REL: variants seen among roughly 807,000 people sequenced by gnomAD.
REL encodes the protein REL proto-oncogene, NF-kB subunit, also known as proto-oncogene c-Rel.
A neutral mutation model predicts 45.9 loss-of-function variants in REL; 15 were observed. That is an observed-to-expected ratio of 0.33 (90% CI 0.22 to 0.50). The LOEUF (loss-of-function observed/expected upper bound fraction) is 0.50, where lower values mean the gene tolerates loss of function less well. Ranked by LOEUF, REL falls within the 20% of genes least tolerant of loss-of-function variation. The pLI is 0.98. For synonymous variants in REL, 239 were observed against 242.1 expected, an observed-to-expected ratio of 0.99 and a Z score of 0.12; for missense variants, 601 against 715.2, an observed-to-expected ratio of 0.84 and a Z score of 1.82.
At chr2:60,917,052 A>G in intron 5 of REL, 35 bp downstream of exon 5, 4 of 1,562,020 alleles carry the variant, frequency 2.6e-6, no homozygotes, top group African/African-American at 1.4e-5. Context: ...TGTAGTCTTA[A>G]CTTGTTTTTT....
chr2:60,914,297 C>T (rs1421833682), intron 4 of REL, among the ~76,000 whole-genome samples: 1 of 152,124 alleles, frequency 6.6e-6, no homozygotes, highest in Non-Finnish European at 1.5e-5. Flanking sequence ...ATGATTCTTG[C>T]CTGTCAGTAG....
chr2:60,898,878 T>C (rs1314916501), intron 3 of REL: 1 of 152,238 alleles, frequency 6.6e-6, no homozygotes. Flanking sequence ...GCAGAGTTTT[T>C]GGTATATAGT....
At chr2:60,889,495 G>A (rs1037434521) in intron 1 of REL, among the ~76,000 whole-genome samples, 11 of 151,750 alleles carry the variant, frequency 7.2e-5, no homozygotes, top group Non-Finnish European at 1.6e-4. Flanking sequence ...TTAAGTTTTA[G>A]GGTACATGTA....
At chr2:60,895,325 G>A (rs1362280629) in intron 3 of REL, among the ~76,000 whole-genome samples, 1 of 152,006 alleles carries the variant, frequency 6.6e-6, no homozygotes, top group Non-Finnish European at 1.5e-5. Flanking sequence ...GGGACTGCAG[G>A]CATGTACCAC....
At chr2:60,908,216 A>C (rs992698195) in intron 4 of REL, among the ~76,000 whole-genome samples, 1 of 152,088 alleles carries the variant, frequency 6.6e-6, no homozygotes, top group Non-Finnish European at 1.5e-5. Context: ...TCTGTGATGG[A>C]ATCTTGTTTC....
intron 4 of REL, among the ~76,000 whole-genome samples, chr2:60,907,375 G>A (rs1001120415): frequency 2.6e-5 from 4 of 152,036 alleles, no homozygotes; most frequent in Non-Finnish European, 5.9e-5. Context: ...GGCCAGGCAC[G>A]GTGGCTCATG....
intron 1 of REL, among the ~76,000 whole-genome samples, chr2:60,888,298 A>G (rs370598036): frequency 1.3e-4 from 20 of 152,172 alleles, no homozygotes; most frequent in African/African-American, 4.6e-4. Context: ...CCAAAGTTAA[A>G]CACTTATCAT....
chr2:60,929,505 A>G lies in REL; in HGVS notation c.*6970A>G, dbSNP rs569545378. 9 of 151,546 alleles carry G rather than the reference A, an allele frequency of 5.9e-5. No homozygotes were observed. The highest frequency in any genetic ancestry group is 2.1e-4 in the South Asian group (1 of 4,770). 9.4% of individuals were successfully genotyped at this position (151,546 alleles called of 1,614,324 possible). On this transcript the variant is annotated 3_prime_UTR_variant, in exon 10 of 10. Transcript: ENST00000394479. ...ACTATGCAGCCATAAAAAATGATGAATTCATGTCCTTTGTAGGGACATGGA... is the reference window on the plus strand; with the variant it reads ...ACTATGCAGCCATAAAAAATGATGAGTTCATGTCCTTTGTAGGGACATGGA...
Position 60,898,788 on chromosome 2 carries a change from G to T in REL, c.303-2204G>T, listed in dbSNP as rs188731012. Among the ~76,000 whole-genome samples the T allele has an allele frequency of 8.5e-5, 13 of 152,314 alleles. No individual in the cohort carries two copies. The East Asian group carries it at 2.5e-3, about 29-fold the overall frequency. The stretch of plus-strand genomic sequence containing the variant: ...AAAGACAGACAAGATGTTGGATTTG[G>T]TCCATGAGTTACAGTTTGCCAATCT... On this transcript the variant is annotated intron_variant, in intron 3 of 9. Transcript: ENST00000394479.
At position 60,900,976 on chromosome 2, in the gene REL, GT is replaced by G; in HGVS notation, c.303-9del. On this transcript the variant is annotated splice_polypyrimidine_tract_variant and intron_variant, in intron 3 of 9. Transcript: ENST00000394479. ...TGTTTATAATGCAGTTTTGAATATTGTTTTTTTCCTGCTAGTTTCCAAAATT... is the reference window on the plus strand; with the variant it reads ...TGTTTATAATGCAGTTTTGAATATTGTTTTTTCCTGCTAGTTTCCAAAATT... The G allele has an allele frequency of 6.3e-7, 1 of 1,590,570 alleles. No homozygotes were observed. Among genetic ancestry groups the G allele is most frequent in the Non-Finnish European group, 8.6e-7 (1 of 1,168,416 alleles).
Position 60,926,240 on chromosome 2 carries a change from G to C in REL, c.*3705G>C. 4.3e-6 allele frequency: 1 copy of C among 230,880 alleles called. No individual in the cohort carries two copies. The highest frequency in any genetic ancestry group is 8.6e-6 in the Non-Finnish European group (1 of 116,406). 14.3% of individuals were successfully genotyped at this position (230,880 alleles called of 1,614,324 possible). On this transcript the variant is annotated 3_prime_UTR_variant, in exon 10 of 10. Transcript: ENST00000394479. ...GTAAATGTCTTCATTAGCCTAAAAGGAAAGACCAAATAAAACCTTTCCTAC... is the reference window on the plus strand; with the variant it reads ...GTAAATGTCTTCATTAGCCTAAAAGCAAAGACCAAATAAAACCTTTCCTAC...
At chr2:60,910,838 G>A (rs1039214577) in intron 4 of REL, among the ~76,000 whole-genome samples, 7 of 151,934 alleles carry the variant, frequency 4.6e-5, no homozygotes, top group African/African-American at 1.2e-4. Flanking sequence ...AGGCTGAGGC[G>A]TTAGAATCTC....
chr2:60,903,373 T>C (rs1673550851), intron 4 of REL, among the ~76,000 whole-genome samples: 1 of 152,172 alleles, frequency 6.6e-6, no homozygotes, highest in Non-Finnish European at 1.5e-5. Context: ...TTTCTTTTTC[T>C]TAGTTTTGGC....
intron 2 of REL, 65 bp downstream of exon 2, chr2:60,891,890 A>AT: frequency 7.2e-7 from 1 of 1,387,504 alleles, no homozygotes; most frequent in Non-Finnish European, 9.6e-7. Flanking sequence ...TATAGCAATT[A>AT]TTTTAAAGGG....
In REL at chr2:60,930,325, T is replaced by C. The variant is rs1173244951; in HGVS notation, c.*7790T>C. On this transcript the variant is annotated 3_prime_UTR_variant, in exon 10 of 10. Coordinates refer to ENST00000394479, the MANE Select transcript of REL (RefSeq NM_001291746.2). Reference sequence around the variant, plus strand: ...CTAATACACAGCAGAGTGAGAAAAATCATTATGGATTAGGTTCTTTAGTAA... The same window carrying C: ...CTAATACACAGCAGAGTGAGAAAAACCATTATGGATTAGGTTCTTTAGTAA... 6.6e-6 allele frequency: 1 copy of C among 152,290 alleles called. No homozygotes were observed. Among genetic ancestry groups the C allele is most frequent in the Non-Finnish European group, 1.5e-5 (1 of 68,020 alleles). 9.4% of individuals were successfully genotyped at this position (152,290 alleles called of 1,614,324 possible). A position where few individuals can be genotyped will look rare whatever the true frequency, so the allele number is the denominator to read the frequency against.
chr2:60,891,454 T>C (rs1673209370), intron 1 of REL, among the ~76,000 whole-genome samples: 1 of 152,166 alleles, frequency 6.6e-6, no homozygotes, highest in African/African-American at 2.4e-5. Context: ...AACCAGTCAA[T>C]ATGGTTTGAA....
chr2:60,901,656 T>C (rs1673501788), intron 4 of REL, among the ~76,000 whole-genome samples: 1 of 152,210 alleles, frequency 6.6e-6, no homozygotes, highest in African/African-American at 2.4e-5. Context: ...CAAAATGTTG[T>C]GATCCTTTTG....
At chr2:60,905,621 C>G (rs1337692547) in intron 4 of REL, among the ~76,000 whole-genome samples, 1 of 152,088 alleles carries the variant, frequency 6.6e-6, no homozygotes, top group Non-Finnish European at 1.5e-5. Flanking sequence ...AGTATCTGTT[C>G]GGGTCTGCAG....
rs545655031 is a variant in REL, at chr2:60,915,376, G to T, written c.395-1501G>T. ...TAGCTCTCATATTGCCTACACAATA[G>T]TGCCAGTAGAGTATGCTGCTGTAAC... On this transcript the variant is annotated intron_variant, in intron 4 of 9. Coordinates refer to ENST00000394479, the MANE Select transcript of REL (RefSeq NM_001291746.2). Among the ~76,000 whole-genome samples the T allele has an allele frequency of 3.3e-5, 5 of 152,280 alleles. No individual in the cohort carries two copies. In the South Asian group the frequency reaches 8.3e-4, roughly 25 times the overall value.
Sources: allele counts gnomAD v4.1 joint callset (sites outside exome capture counted in the v4.1 genomes callset), GRCh38; gene constraint gnomAD v4.1.1; transcripts MANE v1.5; gene names NCBI Gene and HGNC (gene_info 2026-07-23, HGNC 2026-07-21).